ADHFE1: variants seen among roughly 807,000 people sequenced by gnomAD.
ADHFE1 encodes hydroxyacid-oxoacid transhydrogenase, mitochondrial.
Under a neutral mutation model 54.8 loss-of-function variants are expected in ADHFE1, and 37 were observed. The ratio of observed to expected loss-of-function variants is 0.68; its 90% CI spans 0.52 to 0.89. ADHFE1 has a LOEUF of 0.89. Among genes scored for constraint, ADHFE1 ranks in the 40% least tolerant of loss-of-function variants. The pLI is 0.00. For missense variants in ADHFE1, 601 were observed against 591.2 expected (o/e 1.02, Z -0.17); for synonymous variants, 203 against 229.3 (o/e 0.89, Z 1.04).
chr8:66,460,329 G>T lies in ADHFE1; in HGVS notation c.1184G>T (p.Arg395Met). ...EILGADTRTARIQDAGLVLAD... is the reference protein window; with the variant it reads ...EILGADTRTAMIQDAGLVLAD... ...CTAGGAGCCGACACCCGCACTGCCA[G>T]GATCCAAGATGCAGGGCTGGTGTTG... is the stretch of plus-strand genomic sequence containing the variant. Residue 395 changes from arginine (R) to methionine (M), a missense_variant, in exon 13 of 14, where the codon AGG becomes ATG. Arg to Met is a moderately conservative substitution (Grantham distance 91). Transcript: ENST00000396623. 6.2e-7 allele frequency: 1 copy of T among 1,614,170 alleles called. No homozygotes were observed. The highest frequency in any genetic ancestry group is 8.5e-7 in the Non-Finnish European group (1 of 1,180,020).
intron 12 of ADHFE1, 129 bp from the exon 13 acceptor site, chr8:66,460,179 G>A (rs1483851508): frequency 1.2e-5 from 15 of 1,217,404 alleles, no homozygotes; most frequent in South Asian, 1.0e-4. Context: ...GGAGGCACAC[G>A]ATGGCCCCGT....
At chr8:66,449,169 A>G (rs1806177246) in intron 8 of ADHFE1, among the ~76,000 whole-genome samples, 199 bp downstream of exon 8, 1 of 152,196 alleles carries the variant, frequency 6.6e-6, no homozygotes, top group Non-Finnish European at 1.5e-5. Flanking sequence ...GTGGGCCACA[A>G]ACCTGCTCTT....
chr8:66,435,601 A>ATTTTTTTTTTT (rs533571994), intron 1 of ADHFE1, among the ~76,000 whole-genome samples: 1 of 78,258 alleles, frequency 1.3e-5, no homozygotes, highest in East Asian at 4.4e-4. Flanking sequence ...TCATTTCAAG[A>ATTTTTTTTTTT]TTTTTTTTTT....
intron 8 of ADHFE1, among the ~76,000 whole-genome samples, chr8:66,449,734 T>A (rs1806205918): frequency 6.6e-6 from 1 of 152,192 alleles, no homozygotes; most frequent in African/African-American, 2.4e-5. Context: ...CACATGCACA[T>A]TTTTTTCACA....
At chr8:66,460,915 A>G (rs1586486072) in intron 13 of ADHFE1, among the ~76,000 whole-genome samples, 1 of 152,220 alleles carries the variant, frequency 6.6e-6, no homozygotes, top group East Asian at 1.9e-4. Context: ...CTTTCAATTA[A>G]CACTATCACC....
intron 11 of ADHFE1, 32 bp downstream of exon 11, chr8:66,456,927 ATAT>A: frequency 1.4e-6 from 2 of 1,455,418 alleles, no homozygotes; most frequent in South Asian, 3.0e-5. Context: ...ATTTAATTAA[ATAT>A]TATAATCATC....
intron 1 of ADHFE1, among the ~76,000 whole-genome samples, chr8:66,433,719 A>G (rs1805320658): frequency 6.6e-6 from 1 of 152,232 alleles, no homozygotes; most frequent in African/African-American, 2.4e-5. Flanking sequence ...AAACACTGAT[A>G]CCTTAAAATG....
chr8:66,460,539 C>T (rs560033281), intron 13 of ADHFE1, 74 bp downstream of exon 13: 20 of 1,496,752 alleles, frequency 1.3e-5, no homozygotes, highest in African/African-American at 4.2e-5. Context: ...GCATTGATGG[C>T]GGGCTAGCAG....
intron 1 of ADHFE1, 102 bp from the exon 2 acceptor site, chr8:66,440,060 A>G (rs1239141645): frequency 1.8e-6 from 2 of 1,109,568 alleles, no homozygotes; most frequent in Non-Finnish European, 2.7e-6. Flanking sequence ...ATTTGATAGC[A>G]TCTTAGCACT....
intron 10 of ADHFE1, 50 bp from the exon 11 acceptor site, chr8:66,456,767 T>C: frequency 7.0e-7 from 1 of 1,434,622 alleles, no homozygotes; most frequent in Admixed American, 1.7e-5. Flanking sequence ...TATTGTTGAC[T>C]TGAATTTTGA....
At chr8:66,451,326 T>A (rs1272478876) in intron 8 of ADHFE1, among the ~76,000 whole-genome samples, 3 of 152,236 alleles carry the variant, frequency 2.0e-5, no homozygotes, top group Non-Finnish European at 4.4e-5. Context: ...ATGTGCCAGG[T>A]ACTCTTCTAA....
intron 10 of ADHFE1, among the ~76,000 whole-genome samples, chr8:66,455,449 A>T (rs1806530556): frequency 6.6e-6 from 1 of 152,244 alleles, no homozygotes. Context: ...AAAAATTAAG[A>T]ATAGGCCTTT....
chr8:66,467,716 G>A (rs2555573), intron 13 of ADHFE1, among the ~76,000 whole-genome samples: 24,434 of 152,052 alleles, frequency 0.16, 2,136 homozygotes, highest in Middle Eastern at 0.21. Context: ...GGATGTCTTC[G>A]CTGAATTGAC....
rs1807305032 is a variant in ADHFE1, at chr8:66,468,255, A to AG, written c.1321-14_1321-13insG. The AG allele has an allele frequency of 6.2e-7, 1 of 1,604,218 alleles. No individual in the cohort carries two copies. The highest frequency in any genetic ancestry group is 8.5e-7 in the Non-Finnish European group (1 of 1,175,632). The stretch of plus-strand genomic sequence containing the variant: ...TTCAAAGCCCTGGGTAACTTCTTTC[A>AG]TTTACTGTTTCAGGAAAGGGTCACC... On this transcript the variant is annotated splice_polypyrimidine_tract_variant and intron_variant, in intron 13 of 13. Coordinates refer to ENST00000396623, the MANE Select transcript of ADHFE1 (RefSeq NM_144650.3).
intron 13 of ADHFE1, among the ~76,000 whole-genome samples, chr8:66,462,904 C>A (rs1019878182): frequency 2.6e-5 from 4 of 152,230 alleles, no homozygotes; most frequent in African/African-American, 9.6e-5. Context: ...TCACTGCAAC[C>A]TCTGCCTGCC....
At position 66,439,840 on chromosome 8, in the gene ADHFE1, G is replaced by C. The variant is rs1805655903; in HGVS notation, c.60-322G>C. On this transcript the variant is annotated intron_variant, in intron 1 of 13. Transcript: ENST00000396623. The surrounding 1 kb of genome is among the most constrained non-coding windows in gnomAD (Gnocchi z 4.4). ...CCAGTAAGAGCTGGGGCTTCATGGAGACCAGAGACCCCCATCTTAAACTTG... is the reference window on the plus strand; with the variant it reads ...CCAGTAAGAGCTGGGGCTTCATGGACACCAGAGACCCCCATCTTAAACTTG... 2.9e-6 allele frequency: 3 copies of C among 1,023,436 alleles called. No individual in the cohort carries two copies. In the African/African-American group the frequency reaches 5.0e-5, roughly 17 times the overall value. 63.4% of individuals were successfully genotyped at this position (1,023,436 alleles called of 1,614,324 possible).
intron 5 of ADHFE1, 100 bp from the exon 6 acceptor site, chr8:66,445,118 A>C (rs1391543712): frequency 1.7e-6 from 2 of 1,188,048 alleles, no homozygotes; most frequent in Admixed American, 3.0e-5. Flanking sequence ...AAACAAAAAC[A>C]AAAAAAACCC....
intron 8 of ADHFE1, among the ~76,000 whole-genome samples, chr8:66,451,462 A>G (rs1806298546): frequency 6.6e-6 from 1 of 152,208 alleles, no homozygotes; most frequent in South Asian, 2.1e-4. Flanking sequence ...ATCTTGTTCC[A>G]GGATTGACAT....
chr8:66,440,392 G>A (rs971050356), intron 2 of ADHFE1, among the ~76,000 whole-genome samples, 193 bp downstream of exon 2: 1 of 152,164 alleles, frequency 6.6e-6, no homozygotes, highest in Non-Finnish European at 1.5e-5. Flanking sequence ...TACTAATCAC[G>A]TGTTTGTTTG....
Sources: gnomAD v4.1 joint callset for allele counts (sites outside exome capture counted in the v4.1 genomes callset) on GRCh38, gnomAD v4.1.1 for gene constraint, Gnocchi (gnomAD v3.1) non-coding constraint, MANE v1.5 for transcripts, NCBI Gene and HGNC (gene_info 2026-07-23, HGNC 2026-07-21) for gene names.